The following CD80 variants were observed in gnomAD, a reference collection of about 807,000 sequenced individuals.
The protein encoded by CD80 is CD80 molecule.
A neutral mutation model predicts 27.1 loss-of-function variants in CD80; 13 were observed. The ratio of observed to expected loss-of-function variants is 0.48; its 90% confidence interval spans 0.31 to 0.76. The LOEUF (loss-of-function observed/expected upper bound fraction) is 0.76, where lower values mean the gene tolerates loss of function less well. CD80 is among the 30% of genes least tolerant of loss of function. The pLI, the probability that CD80 is intolerant of heterozygous loss-of-function variation, is 0.04. For missense variants in CD80, 277 were observed against 347.9 expected (o/e 0.80, Z 1.62); for synonymous variants, 125 against 125.5 (o/e 1.00, Z 0.03).
chr3:119,555,608 C>T (rs1336314526), intron 2 of CD80, among the ~76,000 whole-genome samples: 1 of 152,220 alleles, frequency 6.6e-6, no homozygotes, highest in Non-Finnish European at 1.5e-5. Flanking sequence ...AGCTCACTGC[C>T]CCTTCTTGCT....
chr3:119,529,790 A>G (rs941445764), intron 5 of CD80, 52 bp downstream of exon 5: 1 of 1,247,188 alleles, frequency 8.0e-7, no homozygotes, highest in Non-Finnish European at 1.2e-6. Context: ...CCATGGTAAT[A>G]AAGTTTGATC....
intron 6 of CD80, 32 bp downstream of exon 6, chr3:119,527,701 C>G: frequency 7.8e-7 from 1 of 1,289,646 alleles, no homozygotes; most frequent in Non-Finnish European, 1.1e-6. Context: ...TCCCCACGAT[C>G]CATGTATCCC....
intron 3 of CD80, among the ~76,000 whole-genome samples, chr3:119,544,189 CG>C (rs760315161): frequency 1.3e-5 from 2 of 152,064 alleles, no homozygotes; most frequent in Non-Finnish European, 2.9e-5. Context: ...TACCCAGCCC[CG>C]TTACCTTTTC....
Position 119,537,267 on chromosome 3 carries a change from G to C in CD80, c.570C>G (p.Ser190=). 1 of 1,614,068 alleles carries C rather than the reference G, an allele frequency of 6.2e-7. No homozygotes were observed. The highest frequency in any genetic ancestry group is 8.5e-7 in the Non-Finnish European group (1 of 1,179,994). Residue 190 remains serine (S), a synonymous_variant, in exon 4 of 7, where the codon TCC becomes TCG. Transcript: ENST00000264246. ...EELNAINTTV[S]QDPETELYAV... is the part of the protein sequence containing the mutation. ...CATAGAGCTCAGTTTCAGGATCTTG[G>C]GAAACTGTTGTGTTGATGGCATTTA...
chr3:119,539,240 CTGAGT>C (rs2082155004), intron 3 of CD80, among the ~76,000 whole-genome samples: 3 of 151,910 alleles, frequency 2.0e-5, no homozygotes, highest in Admixed American at 2.0e-4. Context: ...GCTGTATAGA[CTGAGT>C]TTAGTTGTTA....
chr3:119,538,039 C>A (rs1451113285), intron 3 of CD80, among the ~76,000 whole-genome samples: 1 of 152,144 alleles, frequency 6.6e-6, no homozygotes, highest in African/African-American at 2.4e-5. Context: ...GAATAATAGA[C>A]AACGTTTACT....
intron 3 of CD80, among the ~76,000 whole-genome samples, chr3:119,543,870 T>C (rs1319922452): frequency 6.7e-6 from 1 of 149,646 alleles, no homozygotes; most frequent in African/African-American, 2.5e-5. Flanking sequence ...CTGAAAAAGA[T>C]TTATGCCTCC....
rs1413512659 is a variant in CD80 at position 119,553,101 on chromosome 3, CACTTTATTTATTTATT to C, written c.100+4512_100+4527del. Among the ~76,000 whole-genome samples the C allele has an allele frequency of 1.8e-3, 265 of 143,440 alleles. 4 individuals carry two copies. Among genetic ancestry groups the C allele is most frequent in the African/African-American group, 6.2e-3 (246 of 39,418 alleles). 94.1% of individuals were successfully genotyped at this position (143,440 alleles called of 152,430 possible). On this transcript the variant is annotated intron_variant, in intron 2 of 6. Transcript: ENST00000264246. Reference sequence around the variant, plus strand: ...ATATACTAAAACCCACTGAATTGTACACTTTATTTATTTATTTATTTATTTATTTATTTATTTATTT... The same window carrying C: ...ATATACTAAAACCCACTGAATTGTACTATTTATTTATTTATTTATTTATTT...
At position 119,537,512 on chromosome 3, in the gene CD80, T is replaced by C. The variant is rs111251774; in HGVS notation, c.419-94A>G. ...AATAATTTTCTAGCTTTAATAAGAA[T>C]TGATAAAGGCCAGGTGCAGTGGCTC... is the stretch of plus-strand genomic sequence containing the variant. On this transcript the variant is annotated intron_variant, in intron 3 of 6. Transcript: ENST00000264246. 3 of 912,894 alleles carry C rather than the reference T, an allele frequency of 3.3e-6. No homozygotes were observed. The African/African-American group carries it at 5.0e-5, about 15-fold the overall frequency. The allele number at this position is 912,894 out of a possible 1,614,324, so 56.5% of individuals were successfully genotyped here.
rs1377296678 is a variant in CD80, at chr3:119,524,961, A to G, written c.*827T>C. On this transcript the variant is annotated 3_prime_UTR_variant, in exon 7 of 7. Transcript: ENST00000264246. ...TTTAAATGAGAACTTTCTCATAAATATTTTACAAATGAGGTCAAACTAGCA... is the reference window on the plus strand; with the variant it reads ...TTTAAATGAGAACTTTCTCATAAATGTTTTACAAATGAGGTCAAACTAGCA... 3 of 152,216 alleles carry G rather than the reference A, an allele frequency of 2.0e-5. No individual in the cohort carries two copies. The highest frequency in any genetic ancestry group is 4.4e-5 in the Non-Finnish European group (3 of 68,044). 9.4% of individuals were successfully genotyped at this position (152,216 alleles called of 1,614,324 possible). A position where few individuals can be genotyped will look rare whatever the true frequency, so the allele number is the denominator to read the frequency against.
chr3:119,550,610 T>G (rs188747001), intron 2 of CD80, among the ~76,000 whole-genome samples: 4 of 152,346 alleles, frequency 2.6e-5, no homozygotes, highest in Admixed American at 1.3e-4. Context: ...GAAATGTCTC[T>G]AACGATTTTG....
intron 3 of CD80, among the ~76,000 whole-genome samples, chr3:119,540,215 C>T (rs575315527): frequency 1.3e-5 from 2 of 152,356 alleles, no homozygotes; most frequent in South Asian, 2.1e-4. Flanking sequence ...TCCCAAAGTG[C>T]TGGGATTACA....
chr3:119,535,786 C>T (rs1209688312), intron 4 of CD80, among the ~76,000 whole-genome samples: 5 of 152,136 alleles, frequency 3.3e-5, no homozygotes, highest in Non-Finnish European at 7.4e-5. Context: ...AATTGTTTGG[C>T]ACCATGGAAC....
intron 4 of CD80, among the ~76,000 whole-genome samples, chr3:119,531,468 G>T (rs1021097434): frequency 2.6e-5 from 4 of 152,172 alleles, no homozygotes; most frequent in African/African-American, 9.7e-5. Context: ...AGTAGGATTT[G>T]CAGTAGATCT....
intron 2 of CD80, among the ~76,000 whole-genome samples, chr3:119,545,513 T>C (rs2082197214): frequency 6.6e-6 from 1 of 152,054 alleles, no homozygotes; most frequent in Non-Finnish European, 1.5e-5. Flanking sequence ...TTTCCCCCTC[T>C]CCCCTCAGCC....
intron 4 of CD80, among the ~76,000 whole-genome samples, chr3:119,531,055 C>G (rs546174172): frequency 9.8e-5 from 15 of 152,368 alleles, no homozygotes; most frequent in African/African-American, 3.6e-4. Context: ...ATGCTTAGTT[C>G]TGGGTTTACA....
intron 2 of CD80, among the ~76,000 whole-genome samples, chr3:119,554,148 C>G (rs1042300434): frequency 2.6e-5 from 4 of 152,224 alleles, no homozygotes; most frequent in African/African-American, 4.8e-5. Context: ...TTAAAATGCA[C>G]AGGGACTTGA....
At chr3:119,526,404 C>T (rs2082066377) in intron 6 of CD80, among the ~76,000 whole-genome samples, 1 of 152,082 alleles carries the variant, frequency 6.6e-6, no homozygotes, top group Non-Finnish European at 1.5e-5. Context: ...TAGATAATGA[C>T]AGAACTGAGC....
In CD80 at chr3:119,527,723, C is replaced by T. The variant is rs888148986; in HGVS notation, c.*38+10G>A. On this transcript the variant is annotated intron_variant, in intron 6 of 6. Coordinates refer to ENST00000264246, the MANE Select transcript of CD80 (RefSeq NM_005191.4). The stretch of plus-strand genomic sequence containing the variant: ...GATCCATGTATCCCAGAAGAGATGA[C>T]GGAGGCTACCTTCAGATCTTTTCAG... 3.0e-5 allele frequency: 44 copies of T among 1,481,220 alleles called. 1 individual carries two copies. The highest frequency in any genetic ancestry group is 4.5e-5 in the East Asian group (2 of 44,256). The allele number at this position is 1,481,220 out of a possible 1,614,324, so 91.8% of individuals were successfully genotyped here.
Sources: allele counts gnomAD v4.1 joint callset (sites outside exome capture counted in the v4.1 genomes callset), GRCh38; gene constraint gnomAD v4.1.1; transcripts MANE v1.5; gene names NCBI Gene and HGNC (gene_info 2026-07-23, HGNC 2026-07-21).